The following VEGFC variants were observed in gnomAD, a reference collection of about 807,000 sequenced individuals.
The protein encoded by VEGFC is FLT4 ligand DHM.
In VEGFC, 12 loss-of-function variants were observed where a neutral mutation model predicts 46.1. The ratio of observed to expected loss-of-function variants is 0.26; its 90% CI spans 0.17 to 0.42. The LOEUF (loss-of-function observed/expected upper bound fraction) is 0.42, where lower values mean the gene tolerates loss of function less well. VEGFC is among the 10% of genes least tolerant of loss of function. The pLI is 1.00. For synonymous variants in VEGFC, 232 were observed against 195.5 expected (o/e 1.19, Z -1.56); for missense variants, 488 against 529.4 (o/e 0.92, Z 0.77).
intron 1 of VEGFC, among the ~76,000 whole-genome samples, chr4:176,772,881 A>G (rs1362058913): frequency 6.6e-6 from 1 of 152,202 alleles, no homozygotes; most frequent in Non-Finnish European, 1.5e-5. Context: ...GAGGAAAACT[A>G]ATTTCTTTTT....
chr4:176,745,081 T>C (rs1356824334), intron 1 of VEGFC, among the ~76,000 whole-genome samples: 1 of 152,026 alleles, frequency 6.6e-6, no homozygotes, highest in Non-Finnish European at 1.5e-5. Context: ...GACCAAGGTT[T>C]CAAGGACAGG....
intron 1 of VEGFC, among the ~76,000 whole-genome samples, chr4:176,741,824 T>C (rs1437110980): frequency 2.0e-5 from 3 of 152,030 alleles, no homozygotes; most frequent in Admixed American, 6.6e-5. Context: ...AAGTTATAAA[T>C]GATACATTAT....
intron 4 of VEGFC, among the ~76,000 whole-genome samples, chr4:176,705,504 G>A (rs1268822839): frequency 6.6e-6 from 1 of 152,096 alleles, no homozygotes; most frequent in Non-Finnish European, 1.5e-5. Flanking sequence ...AGATATTGGG[G>A]GGAACACATG....
intron 1 of VEGFC, among the ~76,000 whole-genome samples, chr4:176,760,074 C>T (rs956971956): frequency 5.9e-5 from 9 of 151,894 alleles, no homozygotes; most frequent in Admixed American, 5.3e-4. Context: ...AAATCATATT[C>T]TTGAGGGATA....
intron 4 of VEGFC, among the ~76,000 whole-genome samples, chr4:176,702,074 T>C (rs1013906260): frequency 1.3e-5 from 2 of 152,162 alleles, no homozygotes; most frequent in Admixed American, 6.5e-5. Flanking sequence ...ATCTGTTAAA[T>C]ATTAATAGAC....
At chr4:176,773,539 G>A (rs1392909496) in intron 1 of VEGFC, among the ~76,000 whole-genome samples, 1 of 152,118 alleles carries the variant, frequency 6.6e-6, no homozygotes, top group African/African-American at 2.4e-5. Context: ...CAAAAAAACA[G>A]AAGCAGGGGA....
chr4:176,735,895 T>C (rs1477480423), intron 1 of VEGFC, among the ~76,000 whole-genome samples: 1 of 151,958 alleles, frequency 6.6e-6, no homozygotes, highest in African/African-American at 2.4e-5. Flanking sequence ...TTTCAAAATG[T>C]ATTTTATGTA....
At chr4:176,776,676 T>G (rs1735818738) in intron 1 of VEGFC, among the ~76,000 whole-genome samples, 1 of 152,242 alleles carries the variant, frequency 6.6e-6, no homozygotes, top group African/African-American at 2.4e-5. Flanking sequence ...ATCCTGATAC[T>G]GACACACAGT....
intron 1 of VEGFC, among the ~76,000 whole-genome samples, chr4:176,782,528 T>C (rs935881956): frequency 2.1e-4 from 32 of 151,110 alleles, no homozygotes; most frequent in African/African-American, 7.8e-4. Flanking sequence ...AGTGTGACAA[T>C]GAAAAATTAC....
intron 3 of VEGFC, among the ~76,000 whole-genome samples, chr4:176,720,242 T>TAATTTG (rs1260378308): frequency 6.6e-6 from 1 of 152,110 alleles, no homozygotes; most frequent in African/African-American, 2.4e-5. Flanking sequence ...TAAGAATTAA[T>TAATTTG]AAGCACACCA....
At chr4:176,719,294 G>A (rs768416040) in intron 3 of VEGFC, among the ~76,000 whole-genome samples, 7 of 109,748 alleles carry the variant, frequency 6.4e-5, no homozygotes, top group South Asian at 4.1e-4. Flanking sequence ...TTAACAAAAC[G>A]AAAAGTCTTT....
intron 4 of VEGFC, among the ~76,000 whole-genome samples, chr4:176,690,057 C>T (rs3775202): frequency 0.51 from 76,760 of 151,934 alleles, 19,578 homozygotes; most frequent in East Asian, 0.59. Flanking sequence ...GATTCCTGCA[C>T]ACATTTTTAG....
chr4:176,729,811 T>A, intron 1 of VEGFC, 65 bp from the exon 2 acceptor site: 1 of 1,354,794 alleles, frequency 7.4e-7, no homozygotes, highest in Non-Finnish European at 9.9e-7. Flanking sequence ...AAATGCACTA[T>A]AAAACGGTTA....
intron 4 of VEGFC, among the ~76,000 whole-genome samples, chr4:176,710,404 C>T (rs1400060566): frequency 6.6e-6 from 1 of 152,186 alleles, no homozygotes; most frequent in East Asian, 2.0e-4. Flanking sequence ...TCTGTAAGAT[C>T]TTTGCTTTCT....
chr4:176,775,208 A>G (rs1438707017), intron 1 of VEGFC, among the ~76,000 whole-genome samples: 1 of 152,194 alleles, frequency 6.6e-6, no homozygotes, highest in East Asian at 1.9e-4. Context: ...TTTCAGATAT[A>G]CTACGGATTG....
intron 1 of VEGFC, among the ~76,000 whole-genome samples, chr4:176,749,675 A>G (rs929021625): frequency 6.6e-6 from 1 of 151,890 alleles, no homozygotes; most frequent in East Asian, 1.9e-4. Context: ...AACATAAAAA[A>G]TAAAATCTTA....
At chr4:176,696,606 A>C (rs1262171980) in intron 4 of VEGFC, among the ~76,000 whole-genome samples, 3 of 151,212 alleles carry the variant, frequency 2.0e-5, no homozygotes, top group Non-Finnish European at 4.4e-5. Flanking sequence ...GCTACCAATG[A>C]CTTTCTTCAC....
At chr4:176,761,572 G>A (rs570491162) in intron 1 of VEGFC, among the ~76,000 whole-genome samples, 3 of 152,092 alleles carry the variant, frequency 2.0e-5, no homozygotes, top group South Asian at 4.2e-4. Context: ...AAACAATGTC[G>A]CAGTTTTATT....
chr4:176,698,475 A>C (rs1189675694), intron 4 of VEGFC, among the ~76,000 whole-genome samples: 1 of 152,152 alleles, frequency 6.6e-6, no homozygotes, highest in Non-Finnish European at 1.5e-5. Context: ...TGATTGATAA[A>C]TATTGTACAT....
Sources: gnomAD v4.1 joint callset for allele counts (sites outside exome capture counted in the v4.1 genomes callset) on GRCh38, gnomAD v4.1.1 for gene constraint, MANE v1.5 for transcripts, NCBI Gene and HGNC (gene_info 2026-07-23, HGNC 2026-07-21) for gene names.